LITAF: variants seen among roughly 807,000 people sequenced by gnomAD.
LITAF encodes lipopolysaccharide-induced tumor necrosis factor-alpha factor.
A neutral mutation model predicts 14.5 loss-of-function variants in LITAF; 9 were observed. The observed-to-expected ratio is 0.62, with a 90% CI of 0.37 to 1.08. LITAF has a LOEUF of 1.08. LITAF is among the 50% of genes least tolerant of loss of function. LITAF has a pLI of 0.01. For missense variants in LITAF, 206 were observed against 213.4 expected, an observed-to-expected ratio of 0.97 and a Z score of 0.22; for synonymous variants, 98 against 88.2, an observed-to-expected ratio of 1.11 and a Z score of -0.62.
chr16:11,584,755 C>T (rs576763731), intron 1 of LITAF, among the ~76,000 whole-genome samples: 34 of 152,308 alleles, frequency 2.2e-4, no homozygotes, highest in African/African-American at 7.7e-4. Flanking sequence ...CTACCCATTG[C>T]GTAAACCCCT....
intron 3 of LITAF, among the ~76,000 whole-genome samples, chr16:11,604,515 A>G (rs936674857): frequency 6.6e-6 from 1 of 151,826 alleles, no homozygotes; most frequent in African/African-American, 2.4e-5. Context: ...GCCATCATCA[A>G]GAATCTCTCG....
upstream of LITAF, among the ~76,000 whole-genome samples, chr16:11,602,520 T>A (rs761547732): frequency 7.6e-4 from 115 of 152,228 alleles, no homozygotes; most frequent in Non-Finnish European, 1.4e-3. Context: ...TGTGTCACTG[T>A]CTACAGCAGG....
At position 11,549,737 on chromosome 16, in the gene LITAF, G is replaced by A. The variant is rs201512884; in HGVS notation, c.386C>T (p.Ala129Val). Residue 129 changes from alanine (A) to valine (V), a missense_variant, in exon 4 of 4, where the codon GCG (alanine) becomes GTG (valine). Physicochemically the swap from Ala to Val is moderately conservative, Grantham distance 64 (BLOSUM62 0). Transcript: ENST00000622633. This position sits in a 1 kb window ranked among gnomAD's most constrained non-coding sequence, Gnocchi z 4.6. ...GCAGAAGGGGATGAAGCAGCAGCCCGCTATGCACCTGGGAGGAGAGAGAGA... is the reference window on the plus strand; with the variant it reads ...GCAGAAGGGGATGAAGCAGCAGCCCACTATGCACCTGGGAGGAGAGAGAGA... ...CGSLCLLGCI[A>V]GCCFIPFCVD... The A allele has an allele frequency of 5.6e-6, 9 of 1,612,324 alleles. No homozygotes were observed. Among genetic ancestry groups the A allele is most frequent in the East Asian group, 2.2e-5 (1 of 44,844 alleles).
At chr16:11,572,088 C>G (rs1218772158) in intron 1 of LITAF, among the ~76,000 whole-genome samples, 1 of 152,028 alleles carries the variant, frequency 6.6e-6, no homozygotes, top group East Asian at 1.9e-4. Flanking sequence ...GACCCTATCT[C>G]AAAATAAATA....
At chr16:11,589,172 G>A (rs1018309638), upstream of LITAF, among the ~76,000 whole-genome samples, 1 of 152,008 alleles carries the variant, frequency 6.6e-6, no homozygotes, top group Non-Finnish European at 1.5e-5. Context: ...CCAACCAGGG[G>A]GTAAAAGTAA....
chr16:11,567,420 GA>G (rs78887090), intron 1 of LITAF, among the ~76,000 whole-genome samples: 11,197 of 136,444 alleles, frequency 0.082, 438 homozygotes, highest in Middle Eastern at 0.13. Flanking sequence ...ACTCCGTCTG[GA>G]AAAAAAAAAA....
At chr16:11,592,434 G>C (rs2064852976) in intron 1 of LITAF, among the ~76,000 whole-genome samples, 2 of 152,014 alleles carry the variant, frequency 1.3e-5, no homozygotes, top group South Asian at 4.1e-4. Flanking sequence ...AAATTAGCCA[G>C]GCATGGTGAC....
chr16:11,596,348 G>A (rs775911582), intron 1 of LITAF, among the ~76,000 whole-genome samples: 2 of 151,612 alleles, frequency 1.3e-5, no homozygotes, highest in Middle Eastern at 3.4e-3. Flanking sequence ...TGACACACAG[G>A]TGTCCTCTTG....
At chr16:11,600,804 C>A (rs1364497956), upstream of LITAF, among the ~76,000 whole-genome samples, 1 of 152,172 alleles carries the variant, frequency 6.6e-6, no homozygotes, top group Non-Finnish European at 1.5e-5. The surrounding 1 kb of genome is among the most constrained non-coding windows in gnomAD (Gnocchi z 4.1). Context: ...CCCCTCTCCG[C>A]TGAAAGCCGT....
At chr16:11,581,813 T>C (rs1278277738) in intron 1 of LITAF, among the ~76,000 whole-genome samples, 1 of 152,108 alleles carries the variant, frequency 6.6e-6, no homozygotes, top group Admixed American at 6.6e-5. Flanking sequence ...TGAATGCATA[T>C]TTACACCTGA....
At chr16:11,596,197 G>A (rs2064884754) in intron 1 of LITAF, among the ~76,000 whole-genome samples, 1 of 152,078 alleles carries the variant, frequency 6.6e-6, no homozygotes, top group African/African-American at 2.4e-5. Flanking sequence ...CCACGGCCAG[G>A]AGAAGCAGCC....
At chr16:11,575,916 T>C (rs1229265486) in intron 1 of LITAF, among the ~76,000 whole-genome samples, 1 of 152,228 alleles carries the variant, frequency 6.6e-6, no homozygotes, top group Non-Finnish European at 1.5e-5. Context: ...GGTCTCGCTG[T>C]GTTGCCAAGG....
intron 3 of LITAF, among the ~76,000 whole-genome samples, chr16:11,621,495 G>A (rs886854429): frequency 9.2e-5 from 14 of 152,116 alleles, no homozygotes; most frequent in African/African-American, 3.1e-4. Context: ...ATGAGCCACC[G>A]CTCCTGGCCC....
upstream of LITAF, chr16:11,587,450 G>T: frequency 2.2e-6 from 1 of 453,990 alleles, no homozygotes; most frequent in Non-Finnish European, 4.4e-6. Context: ...GTGCCTTCGG[G>T]CATGTTACCC....
upstream of LITAF, among the ~76,000 whole-genome samples, chr16:11,637,908 ATATATCTATATC>A (rs1208012312): frequency 0.014 from 826 of 59,596 alleles, 174 homozygotes; most frequent in Non-Finnish European, 0.019. Flanking sequence ...CTATATATAT[ATATATCTATATC>A]TATATCTATA....
At chr16:11,584,288 G>A (rs2064777909) in intron 1 of LITAF, 1 of 140,794 alleles carries the variant, frequency 7.1e-6, no homozygotes, top group Non-Finnish European at 1.5e-5. Flanking sequence ...ACTTCCTCTT[G>A]CAGATCCTCT....
chr16:11,553,985 C>G lies in LITAF; in HGVS notation c.221-296G>C, dbSNP rs529477184. On this transcript the variant is annotated intron_variant, in intron 2 of 3. Transcript: ENST00000622633. This position sits in a 1 kb window ranked among gnomAD's most constrained non-coding sequence, Gnocchi z 7.7. ...GTAGCTCATGCCTGTAATCCCAACACTTTGGGAGGCCGAGGTGGGAGGACT... is the reference window on the plus strand; with the variant it reads ...GTAGCTCATGCCTGTAATCCCAACAGTTTGGGAGGCCGAGGTGGGAGGACT... Among the ~76,000 whole-genome samples, 35 of 152,188 alleles carry G rather than the reference C, an allele frequency of 2.3e-4. No individual in the cohort carries two copies. Among genetic ancestry groups the G allele is most frequent in the African/African-American group, 7.7e-4 (32 of 41,526 alleles).
At chr16:11,575,794 T>C (rs1474303369) in intron 1 of LITAF, among the ~76,000 whole-genome samples, 2 of 152,206 alleles carry the variant, frequency 1.3e-5, no homozygotes, top group Non-Finnish European at 2.9e-5. Context: ...CCATAGCTTC[T>C]GGTGTTGCTT....
At chr16:11,552,060 C>G (rs1225610571) in intron 3 of LITAF, among the ~76,000 whole-genome samples, 1 of 152,072 alleles carries the variant, frequency 6.6e-6, no homozygotes, top group Non-Finnish European at 1.5e-5. Flanking sequence ...AGGAAGTTAA[C>G]TAAACTCTCT....
Sources: allele counts gnomAD v4.1 joint callset (sites outside exome capture counted in the v4.1 genomes callset), GRCh38; gene constraint gnomAD v4.1.1; non-coding constraint Gnocchi (gnomAD v3.1); transcripts MANE v1.5; gene names NCBI Gene and HGNC (gene_info 2026-07-23, HGNC 2026-07-21).